Variants in STK39 observed in about 807,000 individuals in gnomAD.
STK39 encodes STE20/SPS1-related proline-alanine-rich protein kinase.
Under a neutral mutation model 77.8 loss-of-function variants are expected in STK39, and 20 were observed. The ratio of observed to expected loss-of-function variants is 0.26; its 90% CI spans 0.18 to 0.37. The LOEUF is 0.37. STK39 is among the 10% of genes least tolerant of loss of function. The pLI is 1.00. For missense variants in STK39, 479 were observed against 656.5 expected (o/e 0.73, Z 2.95); for synonymous variants, 246 against 234.1 (o/e 1.05, Z -0.47).
At chr2:168,028,596 C>T (rs1684759427) in intron 14 of STK39, among the ~76,000 whole-genome samples, 1 of 152,192 alleles carries the variant, frequency 6.6e-6, no homozygotes, top group African/African-American at 2.4e-5. Context: ...AAAGTTCACA[C>T]TTTTTTGTAG....
At chr2:168,168,555 G>C (rs1467607658) in intron 2 of STK39, among the ~76,000 whole-genome samples, 1 of 152,136 alleles carries the variant, frequency 6.6e-6, no homozygotes, top group Admixed American at 6.5e-5. Flanking sequence ...TACCCAAGCA[G>C]AACATCTCAA....
chr2:167,963,617 GAATAA>G (rs1692063007), intron 17 of STK39, among the ~76,000 whole-genome samples: 1 of 151,412 alleles, frequency 6.6e-6, no homozygotes, highest in Admixed American at 6.6e-5. Context: ...CTCTACATCT[GAATAA>G]AATGTTACTT....
intron 16 of STK39, among the ~76,000 whole-genome samples, chr2:168,006,041 G>A (rs1684124578): frequency 6.6e-6 from 1 of 152,162 alleles, no homozygotes; most frequent in African/African-American, 2.4e-5. Context: ...CCCTTCTCAG[G>A]AAACAGAAAT....
intron 10 of STK39, among the ~76,000 whole-genome samples, chr2:168,087,326 C>G (rs1036398232): frequency 1.3e-5 from 2 of 152,192 alleles, no homozygotes; most frequent in African/African-American, 4.8e-5. Context: ...AAACACACTG[C>G]GATGGTCAGT....
chr2:167,973,895 C>CA (rs1199879001), intron 16 of STK39, among the ~76,000 whole-genome samples: 2 of 152,054 alleles, frequency 1.3e-5, no homozygotes, highest in Non-Finnish European at 2.9e-5. Flanking sequence ...AATAAAAGCA[C>CA]AAACAGGATT....
chr2:167,977,723 G>A (rs1683317396), intron 16 of STK39, among the ~76,000 whole-genome samples: 1 of 152,158 alleles, frequency 6.6e-6, no homozygotes, highest in African/African-American at 2.4e-5. Flanking sequence ...GCAAAACTTT[G>A]TGTGCACATT....
At chr2:168,142,554 T>C (rs1014057773) in intron 5 of STK39, among the ~76,000 whole-genome samples, 1 of 152,212 alleles carries the variant, frequency 6.6e-6, no homozygotes, top group Non-Finnish European at 1.5e-5. Context: ...TAGTTAACAT[T>C]AGATATATTT....
At position 167,954,612 on chromosome 2, in the gene STK39, A is replaced by C. The variant is rs3769428; in HGVS notation, c.*884T>G. ...CATAGCATTCTAAACGGTCCAATGA[A>C]GCAAAACTTAACATATGCCACCTTA... On this transcript the variant is annotated 3_prime_UTR_variant, in exon 18 of 18. Transcript: ENST00000355999. 6.6e-6 allele frequency: 1 copy of C among 152,642 alleles called. No homozygotes were observed. Among genetic ancestry groups the C allele is most frequent in the East Asian group, 1.9e-4 (1 of 5,202 alleles). 9.5% of individuals were successfully genotyped at this position (152,642 alleles called of 1,614,324 possible). A position where few individuals can be genotyped will look rare whatever the true frequency, so the allele number is the denominator to read the frequency against.
At chr2:168,217,993 G>A (rs1164171397) in intron 1 of STK39, among the ~76,000 whole-genome samples, 2 of 152,188 alleles carry the variant, frequency 1.3e-5, no homozygotes, top group Non-Finnish European at 2.9e-5. Context: ...CCTCCTAGCA[G>A]TAAATCACTA....
intron 10 of STK39, among the ~76,000 whole-genome samples, chr2:168,122,003 T>C (rs918148500): frequency 6.6e-6 from 1 of 152,228 alleles, no homozygotes; most frequent in Non-Finnish European, 1.5e-5. Context: ...CTAAATCTGC[T>C]AGCAAAGTGG....
At chr2:167,983,477 A>AAGGAAGGAAGGAAGGAAGGAAGG (rs1683481239) in intron 16 of STK39, among the ~76,000 whole-genome samples, 35 of 130,802 alleles carry the variant, frequency 2.7e-4, no homozygotes, top group African/African-American at 9.7e-4. Flanking sequence ...AAAAGAAATG[A>AAGGAAGGAAGGAAGGAAGGAAGG]AAGGAAGGAA....
At chr2:168,233,451 C>T (rs1468137185) in intron 1 of STK39, among the ~76,000 whole-genome samples, 1 of 152,136 alleles carries the variant, frequency 6.6e-6, no homozygotes, top group Non-Finnish European at 1.5e-5. Flanking sequence ...TTTTCCCACC[C>T]CTCAGTCATT....
intron 14 of STK39, among the ~76,000 whole-genome samples, chr2:168,018,519 GAAAA>G (rs1242290991): frequency 2.4e-5 from 2 of 84,426 alleles, no homozygotes; most frequent in Middle Eastern, 5.2e-3. Flanking sequence ...AGAAAAGAAA[GAAAA>G]GAAAGAAAAG....
intron 7 of STK39, among the ~76,000 whole-genome samples, chr2:168,138,661 C>T (rs1265039300): frequency 2.6e-5 from 4 of 152,086 alleles, no homozygotes; most frequent in Admixed American, 1.3e-4. Flanking sequence ...ATTACTAGCC[C>T]TAAAAATAAA....
At chr2:168,100,287 G>A (rs1299963833) in intron 10 of STK39, among the ~76,000 whole-genome samples, 8 of 152,190 alleles carry the variant, frequency 5.3e-5, no homozygotes, top group Non-Finnish European at 1.0e-4. Context: ...TGCCTTGCCA[G>A]CCTTTGTAAC....
intron 10 of STK39, among the ~76,000 whole-genome samples, chr2:168,117,274 ATTC>A (rs1170298686): frequency 2.6e-5 from 4 of 152,218 alleles, no homozygotes; most frequent in African/African-American, 9.6e-5. Context: ...TATCTTAACT[ATTC>A]TTCTTTAAAA....
At chr2:168,015,792 T>A (rs912175759) in intron 15 of STK39, among the ~76,000 whole-genome samples, 9 of 152,198 alleles carry the variant, frequency 5.9e-5, no homozygotes, top group Admixed American at 5.9e-4. Flanking sequence ...GCCTGGTCAA[T>A]ATTTTTATAT....
At chr2:168,040,133 G>A (rs144027204) in intron 14 of STK39, among the ~76,000 whole-genome samples, 33 of 152,224 alleles carry the variant, frequency 2.2e-4, no homozygotes, top group African/African-American at 7.5e-4. Flanking sequence ...ACAGTGAGCC[G>A]ATTGTATGCT....
chr2:168,062,756 G>A (rs557932773), intron 14 of STK39, among the ~76,000 whole-genome samples: 4 of 152,096 alleles, frequency 2.6e-5, no homozygotes, highest in Non-Finnish European at 5.9e-5. Flanking sequence ...TTTGTTTAAT[G>A]GTCAGAAGAA....
Sources: gnomAD v4.1 joint callset for allele counts (sites outside exome capture counted in the v4.1 genomes callset) on GRCh38, gnomAD v4.1.1 for gene constraint, MANE v1.5 for transcripts, NCBI Gene and HGNC (gene_info 2026-07-23, HGNC 2026-07-21) for gene names.